ASTN2: variants seen among roughly 807,000 people sequenced by gnomAD.
The protein encoded by ASTN2 is astrotactin-2.
ASTN2 carries 54 observed loss-of-function variants against 139.8 expected under a neutral mutation model. The ratio of observed to expected loss-of-function variants is 0.39; its 90% CI spans 0.31 to 0.48. ASTN2 has a LOEUF of 0.48. ASTN2 is among the 20% of genes least tolerant of loss of function. ASTN2 has a pLI of 0.95. For synonymous variants in ASTN2, 756 were observed against 719.5 expected (o/e 1.05, Z -0.81); for missense variants, 1,565 against 1,725.1 (o/e 0.91, Z 1.64).
At chr9:116,679,230 T>C (rs1859686417) in intron 16 of ASTN2, among the ~76,000 whole-genome samples, 1 of 152,170 alleles carries the variant, frequency 6.6e-6, no homozygotes, top group Non-Finnish European at 1.5e-5. Flanking sequence ...TAATATCCAG[T>C]GTTTTAAACC....
chr9:116,468,132 C>T (rs1848706658), intron 20 of ASTN2, among the ~76,000 whole-genome samples: 1 of 152,198 alleles, frequency 6.6e-6, no homozygotes, highest in South Asian at 2.1e-4. Context: ...GTTATCCCCA[C>T]TGGAATGTGA....
intron 1 of ASTN2, among the ~76,000 whole-genome samples, chr9:117,296,095 T>C (rs2130791297): frequency 6.6e-6 from 1 of 151,760 alleles, no homozygotes; most frequent in East Asian, 1.9e-4. Context: ...CAGGCCAATA[T>C]GGTGAAATCC....
chr9:117,408,982 C>T (rs1831085691), intron 1 of ASTN2, among the ~76,000 whole-genome samples: 2 of 152,100 alleles, frequency 1.3e-5, no homozygotes, highest in Non-Finnish European at 2.9e-5. Context: ...ACACCACCTC[C>T]CCCAAGACCC....
chr9:116,589,088 C>A (rs966315447), intron 19 of ASTN2, among the ~76,000 whole-genome samples: 2 of 152,174 alleles, frequency 1.3e-5, no homozygotes, highest in Non-Finnish European at 2.9e-5. Flanking sequence ...ACTCTCCCCA[C>A]TAAATTATTT....
Position 116,699,200 on chromosome 9 carries a change from C to G in ASTN2, c.2806+26571G>C. ...TGCCATCTGGCCAGTTTGTAGTAACCGATGTGGAAGGTGGAAAGCTTTGGT... is the reference window on the plus strand; with the variant it reads ...TGCCATCTGGCCAGTTTGTAGTAACGGATGTGGAAGGTGGAAAGCTTTGGT... On this transcript the variant is annotated intron_variant, in intron 16 of 22. Transcript: ENST00000313400. This position sits in a 1 kb window ranked among gnomAD's most constrained non-coding sequence, Gnocchi z 4.2. 6.2e-7 allele frequency: 1 copy of G among 1,614,184 alleles called. No homozygotes were observed. Among genetic ancestry groups the G allele is most frequent in the Non-Finnish European group, 8.5e-7 (1 of 1,180,040 alleles).
At chr9:116,825,420 C>G (rs979548148) in intron 11 of ASTN2, among the ~76,000 whole-genome samples, 1 of 152,110 alleles carries the variant, frequency 6.6e-6, no homozygotes, top group Non-Finnish European at 1.5e-5. Context: ...ATAAATTAAC[C>G]AAAACCCCAA....
intron 5 of ASTN2, among the ~76,000 whole-genome samples, chr9:117,063,234 TTCAGGG>T (rs1839344111): frequency 6.6e-6 from 1 of 152,222 alleles, no homozygotes; most frequent in East Asian, 1.9e-4. Flanking sequence ...GGTACATTTC[TTCAGGG>T]TAAAGAACCA....
chr9:117,279,588 C>T (rs1295856375), intron 2 of ASTN2, among the ~76,000 whole-genome samples: 1 of 152,150 alleles, frequency 6.6e-6, no homozygotes, highest in African/African-American at 2.4e-5. Context: ...GCAGTTCTGT[C>T]CCAAAGTCAA....
intron 11 of ASTN2, among the ~76,000 whole-genome samples, chr9:116,853,641 C>G (rs1006992353): frequency 6.6e-6 from 1 of 152,194 alleles, no homozygotes; most frequent in Non-Finnish European, 1.5e-5. Flanking sequence ...TTATCACTCT[C>G]CTGATCAGAG....
At chr9:116,776,011 C>A (rs1413404388) in intron 13 of ASTN2, among the ~76,000 whole-genome samples, 4 of 152,164 alleles carry the variant, frequency 2.6e-5, no homozygotes, top group Non-Finnish European at 5.9e-5. Context: ...TTGTGCCCTG[C>A]ATAAGGGTGC....
chr9:116,660,166 G>GCA lies in ASTN2; in HGVS notation c.2807-8374_2807-8373insTG, dbSNP rs1197700293. Among the ~76,000 whole-genome samples, 4 of 86,370 alleles carry GCA rather than the reference G, an allele frequency of 4.6e-5. No homozygotes were observed. The South Asian group carries it at 1.8e-3, about 39-fold the overall frequency. The allele number at this position is 86,370 out of a possible 152,430, so 56.7% of individuals were successfully genotyped here. On this transcript the variant is annotated intron_variant, in intron 16 of 22. Coordinates refer to ENST00000313400, the MANE Select transcript of ASTN2 (RefSeq NM_001365068.1). Reference sequence around the variant, plus strand: ...TGTATGTGTTGTGTTCATATTGCAAGCGCACACACACACACACACACACAC... The same window carrying GCA: ...TGTATGTGTTGTGTTCATATTGCAAGCACGCACACACACACACACACACACAC...
At chr9:116,512,831 C>CT (rs2119195913) in intron 19 of ASTN2, among the ~76,000 whole-genome samples, 1 of 151,858 alleles carries the variant, frequency 6.6e-6, no homozygotes, top group African/African-American at 2.4e-5. Context: ...CAACCCCTGT[C>CT]TTTTTGTTTT....
At chr9:116,764,590 ATCTATTTATTTCTCCATTTAACC>A (rs1341263237) in intron 13 of ASTN2, among the ~76,000 whole-genome samples, 1 of 152,210 alleles carries the variant, frequency 6.6e-6, no homozygotes, top group African/African-American at 2.4e-5. Flanking sequence ...ATTGAACCAC[ATCTATTTATTTCTCCATTTAACC>A]TCTTTCTGTG....
At chr9:117,069,569 A>T (rs1324725407) in intron 5 of ASTN2, among the ~76,000 whole-genome samples, 1 of 29,156 alleles carries the variant, frequency 3.4e-5, no homozygotes, top group African/African-American at 1.4e-4. Flanking sequence ...ATCCTTGTTG[A>T]CTTTCTGTCT....
chr9:116,960,286 C>A (rs1835840766), intron 10 of ASTN2, among the ~76,000 whole-genome samples: 1 of 152,310 alleles, frequency 6.6e-6, no homozygotes, highest in African/African-American at 2.4e-5. Flanking sequence ...TGAGGCCAGG[C>A]TACTACCTCA....
intron 5 of ASTN2, among the ~76,000 whole-genome samples, chr9:117,049,899 G>T (rs1375742046): frequency 6.6e-6 from 1 of 152,166 alleles, no homozygotes. Context: ...AAATTGCAGT[G>T]TGTAGATGAG....
intron 5 of ASTN2, among the ~76,000 whole-genome samples, chr9:117,092,053 C>T (rs1376631151): frequency 1.3e-5 from 2 of 152,100 alleles, no homozygotes; most frequent in South Asian, 4.1e-4. Flanking sequence ...CACAATGACC[C>T]TGTGAAGGAG....
rs1048165083 is a variant in ASTN2 at position 116,425,372 on chromosome 9, C to G, written c.*479G>C. On this transcript the variant is annotated 3_prime_UTR_variant, in exon 23 of 23. Coordinates refer to ENST00000313400, the MANE Select transcript of ASTN2 (RefSeq NM_001365068.1). Reference sequence around the variant, plus strand: ...AAGTCCTTAAAGACCCATGCTTCCTCACTGCAACCATCCTCAGAGCTTCCT... The same window carrying G: ...AAGTCCTTAAAGACCCATGCTTCCTGACTGCAACCATCCTCAGAGCTTCCT... The G allele has an allele frequency of 4.9e-6, 3 of 606,828 alleles. No individual in the cohort carries two copies. Among genetic ancestry groups the G allele is most frequent in the Non-Finnish European group, 5.9e-6 (2 of 339,648 alleles). The allele number at this position is 606,828 out of a possible 1,614,324, so 37.6% of individuals were successfully genotyped here.
At chr9:117,010,595 A>T (rs1837494978) in intron 6 of ASTN2, among the ~76,000 whole-genome samples, 1 of 152,222 alleles carries the variant, frequency 6.6e-6, no homozygotes. Context: ...GAAAAGTGTG[A>T]TACCAATTCC....
Sources: allele counts gnomAD v4.1 joint callset (sites outside exome capture counted in the v4.1 genomes callset), GRCh38; gene constraint gnomAD v4.1.1; non-coding constraint Gnocchi (gnomAD v3.1); transcripts MANE v1.5; gene names NCBI Gene and HGNC (gene_info 2026-07-23, HGNC 2026-07-21).